ITGB4: variants seen among roughly 807,000 people sequenced by gnomAD.
The protein encoded by ITGB4 is integrin subunit beta 4.
Under a neutral mutation model 207.6 loss-of-function variants are expected in ITGB4, and 159 were observed. The observed-to-expected ratio is 0.77, with a 90% confidence interval of 0.67 to 0.87. ITGB4 has a LOEUF of 0.87. ITGB4 is among the 40% of genes least tolerant of loss of function. ITGB4 has a pLI of 0.00. For synonymous variants in ITGB4, 1,020 were observed against 1,062.7 expected (o/e 0.96, Z 0.78); for missense variants, 2,278 against 2,546.8 (o/e 0.89, Z 2.27).
chr17:75,736,119 C>T lies in ITGB4; in HGVS notation c.1726C>T (p.Pro576Ser), dbSNP rs1426123784. 2 of 1,614,168 alleles carry T rather than the reference C, an allele frequency of 1.2e-6. No homozygotes were observed. Among genetic ancestry groups the T allele is most frequent in the South Asian group, 1.1e-5 (1 of 91,078 alleles). The change falls in exon 14 of 40, where the codon CCC becomes TCC. Residue 576 changes from proline to serine, a missense_variant. Transcript: ENST00000200181. Reference protein sequence around the residue: ...PGWTGPSCDCPLSNATCIDSN... With the variant: ...PGWTGPSCDCSLSNATCIDSN... ...TTGGACAGGCCCAAGCTGTGACTGTCCCCTCAGCAATGCCACCTGCATCGA... is the reference window on the plus strand; with the variant it reads ...TTGGACAGGCCCAAGCTGTGACTGTTCCCTCAGCAATGCCACCTGCATCGA...
Position 75,757,592 on chromosome 17 carries a change from C to G in ITGB4, c.*37C>G, listed in dbSNP as rs1051554. ...CCCACCCCCGCCACGTCCCACTAGG[C>G]GTCCTCCCGACTCCTCTCCCGGAGC... On this transcript the variant is annotated 3_prime_UTR_variant, in exon 40 of 40. Coordinates refer to ENST00000200181, the MANE Select transcript of ITGB4 (RefSeq NM_000213.5). 2 of 1,612,678 alleles carry G rather than the reference C, an allele frequency of 1.2e-6. No homozygotes were observed.
chr17:75,751,917 C>T, intron 30 of ITGB4: 2 of 556,832 alleles, frequency 3.6e-6, no homozygotes, highest in Non-Finnish European at 6.5e-6. Context: ...GAGGTGACAT[C>T]GAGGCCAACT....
In ITGB4 at chr17:75,736,501, G is replaced by A. The variant is rs193016941; in HGVS notation, c.1861-64G>A. 28 of 1,598,720 alleles carry A rather than the reference G, an allele frequency of 1.8e-5. No homozygotes were observed. The African/African-American group carries it at 2.9e-4, about 17-fold the overall frequency. The stretch of plus-strand genomic sequence containing the variant: ...GCTGGCCAAGGGCAAGAGGTTTGGG[G>A]AGCGGGGGTCTGGCAGAGGCCCACC... On this transcript the variant is annotated intron_variant, in intron 15 of 39. Coordinates refer to ENST00000200181, the MANE Select transcript of ITGB4 (RefSeq NM_000213.5).
chr17:75,755,741 C>T lies in ITGB4; in HGVS notation c.4599C>T (p.Arg1533=), dbSNP rs754798262. 1 of 1,612,940 alleles carries T rather than the reference C, an allele frequency of 6.2e-7. No individual in the cohort carries two copies. The highest frequency in any genetic ancestry group is 8.5e-7 in the Non-Finnish European group (1 of 1,179,916). The part of the protein sequence containing the change: ...LTAGVPDTPT[R]LVFSALGPTS... ...CTGGTGTGCCCGACACGCCCACCCG[C>T]CTGGTGTTCTCTGCCCTGGGGCCCA... is the stretch of plus-strand genomic sequence containing the variant. The change falls in exon 35 of 40, where the codon CGC becomes CGT. Residue 1533 remains arginine, a synonymous_variant. Coordinates refer to ENST00000200181, the MANE Select transcript of ITGB4 (RefSeq NM_000213.5).
At chr17:75,728,801 G>A (rs1465731336) in intron 6 of ITGB4, among the ~76,000 whole-genome samples, 5 of 152,032 alleles carry the variant, frequency 3.3e-5, no homozygotes, top group South Asian at 4.2e-4. Flanking sequence ...TGGCTAACAC[G>A]GTGAAACCCC....
intron 34 of ITGB4, 134 bp from the exon 35 acceptor site, chr17:75,755,566 AG>A: frequency 9.0e-7 from 1 of 1,116,542 alleles, no homozygotes; most frequent in Non-Finnish European, 1.3e-6. Flanking sequence ...AGGGTGTTGC[AG>A]GGTGAGTGAG....
rs749719114 is a variant in ITGB4 at position 75,757,581 on chromosome 17, G to A, written c.*26G>A. ...CCGCACCCTGCCCCACCCCCGCCAC[G>A]TCCCACTAGGCGTCCTCCCGACTCC... On this transcript the variant is annotated 3_prime_UTR_variant, in exon 40 of 40. Transcript: ENST00000200181. The A allele has an allele frequency of 1.5e-5, 24 of 1,612,810 alleles. No individual in the cohort carries two copies. Among genetic ancestry groups the A allele is most frequent in the South Asian group, 8.8e-5 (8 of 91,052 alleles).
intron 26 of ITGB4, among the ~76,000 whole-genome samples, chr17:75,744,925 G>T (rs62088212): frequency 0.44 from 66,595 of 151,340 alleles, 17,987 homozygotes; most frequent in Non-Finnish European, 0.59. Context: ...TACCACGCCC[G>T]GCCTAGTTTT....
At chr17:75,751,672 C>T (rs963858976) in intron 30 of ITGB4, 5 of 216,716 alleles carry the variant, frequency 2.3e-5, no homozygotes, top group South Asian at 6.5e-5. Flanking sequence ...ACCCAGAAGG[C>T]GCAGGTTGCA....
intron 33 of ITGB4, among the ~76,000 whole-genome samples, chr17:75,754,224 C>T (rs772555861): frequency 6.6e-6 from 1 of 152,196 alleles, no homozygotes; most frequent in Non-Finnish European, 1.5e-5. Context: ...GAAGCGGACC[C>T]TGGCACCCAA....
In ITGB4 at chr17:75,757,495, G is replaced by T. The variant is rs767092159; in HGVS notation, c.5409G>T (p.Arg1803=). ...ATGTGACCCAGGAGTTTGTGAGCCG[G>T]ACACTGACCACCAGCGGAACCCTTA... The part of the protein sequence containing the change: ...TRHVTQEFVS[R]TLTTSGTLST... Residue 1803 remains arginine (R), a synonymous_variant, in exon 40 of 40, where the codon CGG becomes CGT. Coordinates refer to ENST00000200181, the MANE Select transcript of ITGB4 (RefSeq NM_000213.5). The T allele has an allele frequency of 2.5e-6, 4 of 1,613,082 alleles. No homozygotes were observed. The highest frequency in any genetic ancestry group is 3.4e-6 in the Non-Finnish European group (4 of 1,179,980).
chr17:75,746,545 G>C (rs1039772666), intron 26 of ITGB4, among the ~76,000 whole-genome samples: 1 of 149,896 alleles, frequency 6.7e-6, no homozygotes, highest in Non-Finnish European at 1.5e-5. Flanking sequence ...TATATTTTTA[G>C]TAGAGATAGG....
At chr17:75,749,464 G>A (rs373209055) in intron 27 of ITGB4, among the ~76,000 whole-genome samples, 2 of 152,216 alleles carry the variant, frequency 1.3e-5, no homozygotes, top group East Asian at 1.9e-4. Context: ...GGGGGTCTGG[G>A]CCGCAGCAAG....
intron 34 of ITGB4, 172 bp downstream of exon 34, chr17:75,754,987 C>G (rs2061460154): frequency 6.5e-7 from 1 of 1,540,202 alleles, no homozygotes. Context: ...CACAGACATG[C>G]ATGCGCACAC....
intron 32 of ITGB4, 49 bp from the exon 33 acceptor site, chr17:75,753,715 CG>C: frequency 1.6e-6 from 2 of 1,266,520 alleles, no homozygotes; most frequent in South Asian, 4.6e-5. Flanking sequence ...TGGCCCTGCT[CG>C]GCCCGGCGCC....
intron 13 of ITGB4, among the ~76,000 whole-genome samples, chr17:75,733,928 T>C (rs1307840515): frequency 6.6e-6 from 1 of 152,134 alleles, no homozygotes; most frequent in African/African-American, 2.4e-5. Context: ...GACTTTCCCC[T>C]GGTTTTAAGA....
intron 31 of ITGB4, 37 bp downstream of exon 31, chr17:75,752,393 C>T: frequency 1.9e-6 from 3 of 1,612,612 alleles, no homozygotes; most frequent in Non-Finnish European, 2.5e-6. Context: ...GCAGACCGGG[C>T]AGGGGGGCAG....
At position 75,750,025 on chromosome 17, in the gene ITGB4, G is replaced by A. The variant is rs544817229; in HGVS notation, c.3317-86G>A. 10 of 1,546,324 alleles carry A rather than the reference G, an allele frequency of 6.5e-6. No homozygotes were observed. In the East Asian group the frequency reaches 9.0e-5, roughly 14 times the overall value. On this transcript the variant is annotated intron_variant, in intron 27 of 39. Transcript: ENST00000200181. The surrounding 1 kb of genome is among the most constrained non-coding windows in gnomAD (Gnocchi z 5.5). ...CTGAGTTGAATGCGCTGGGTAGAGC[G>A]CCCTGGGTGTTGAAGTGGGTCTCTG...
chr17:75,733,049 C>A (rs761321253), intron 12 of ITGB4, among the ~76,000 whole-genome samples: 1 of 151,626 alleles, frequency 6.6e-6, no homozygotes, highest in Non-Finnish European at 1.5e-5. Flanking sequence ...CGCGCCACTG[C>A]ACTCCAGCCT....
Sources: gnomAD v4.1 joint callset for allele counts (sites outside exome capture counted in the v4.1 genomes callset) on GRCh38, gnomAD v4.1.1 for gene constraint, Gnocchi (gnomAD v3.1) non-coding constraint, MANE v1.5 for transcripts, NCBI Gene and HGNC (gene_info 2026-07-23, HGNC 2026-07-21) for gene names.